Variants in RALYL observed in about 807,000 individuals in gnomAD.
The protein encoded by RALYL is RALY RNA binding protein like.
In RALYL, 29 loss-of-function variants were observed where a neutral mutation model predicts 35.1. The ratio of observed to expected loss-of-function variants is 0.83; its 90% confidence interval spans 0.61 to 1.13. The LOEUF is 1.13. Ranked by LOEUF, RALYL falls within the 50% of genes most tolerant of loss-of-function variation. The pLI is 0.00. For missense variants in RALYL, 359 were observed against 360.4 expected (o/e 1.00, Z 0.03); for synonymous variants, 120 against 127.6 (o/e 0.94, Z 0.40).
intron 1 of RALYL, 132 bp from the exon 2 acceptor site, chr8:84,529,167 A>C: frequency 1.2e-6 from 1 of 845,950 alleles, no homozygotes; most frequent in African/African-American, 1.7e-5. Flanking sequence ...TCTCAAGAAA[A>C]TCATTAATAC....
intron 1 of RALYL, among the ~76,000 whole-genome samples, chr8:84,187,124 T>G (rs1812732042): frequency 1.3e-5 from 2 of 152,088 alleles, no homozygotes; most frequent in African/African-American, 4.8e-5. Flanking sequence ...ACCCACAAAT[T>G]AAATTGGCAT....
chr8:84,675,035 G>A (rs1375209477), intron 2 of RALYL, among the ~76,000 whole-genome samples: 3 of 151,344 alleles, frequency 2.0e-5, no homozygotes, highest in Non-Finnish European at 4.4e-5. Context: ...GTAGCTCTGA[G>A]TTCTTAAAAA....
intron 1 of RALYL, among the ~76,000 whole-genome samples, chr8:84,271,747 C>T (rs530616796): frequency 2.0e-5 from 3 of 152,040 alleles, no homozygotes; most frequent in South Asian, 4.2e-4. Context: ...CAAAAGACTA[C>T]ATAGTACACT....
chr8:84,578,709 G>T (rs1230632115), intron 2 of RALYL, among the ~76,000 whole-genome samples: 1 of 152,180 alleles, frequency 6.6e-6, no homozygotes, highest in Non-Finnish European at 1.5e-5. Flanking sequence ...GTGGAGAGAT[G>T]AACCACAGTG....
At chr8:84,624,324 G>T (rs1446678775) in intron 2 of RALYL, among the ~76,000 whole-genome samples, 1 of 152,154 alleles carries the variant, frequency 6.6e-6, no homozygotes, top group African/African-American at 2.4e-5. Context: ...AGCCTAACGT[G>T]GGTTTTACTG....
intron 4 of RALYL, among the ~76,000 whole-genome samples, chr8:84,839,121 G>T (rs1027748059): frequency 6.6e-6 from 1 of 152,212 alleles, no homozygotes; most frequent in Non-Finnish European, 1.5e-5. Flanking sequence ...GAAAGTGGGT[G>T]CAGGACAGTG....
intron 2 of RALYL, among the ~76,000 whole-genome samples, chr8:84,593,868 G>A (rs967594341): frequency 6.6e-6 from 1 of 152,014 alleles, no homozygotes; most frequent in South Asian, 2.1e-4. Context: ...CTTTTGTCCA[G>A]ATTTAACACA....
At chr8:84,293,049 T>C (rs1410566558) in intron 1 of RALYL, among the ~76,000 whole-genome samples, 1 of 152,158 alleles carries the variant, frequency 6.6e-6, no homozygotes, top group Non-Finnish European at 1.5e-5. Context: ...ATTACTTCAG[T>C]ATTACATTTG....
chr8:84,852,127 C>A (rs1402607866), intron 5 of RALYL, among the ~76,000 whole-genome samples: 1 of 152,082 alleles, frequency 6.6e-6, no homozygotes, highest in African/African-American at 2.4e-5. Flanking sequence ...ATTCAATAAC[C>A]AACTATGTGA....
chr8:84,432,484 A>T (rs2047249002), intron 1 of RALYL, among the ~76,000 whole-genome samples: 1 of 152,068 alleles, frequency 6.6e-6, no homozygotes, highest in South Asian at 2.1e-4. Flanking sequence ...TGTGTTGTAT[A>T]CCTAAAAATG....
At chr8:84,399,146 C>T (rs550940079) in intron 1 of RALYL, among the ~76,000 whole-genome samples, 7 of 152,124 alleles carry the variant, frequency 4.6e-5, no homozygotes, top group Non-Finnish European at 8.8e-5. Flanking sequence ...TTCCCGTTTC[C>T]TGCTCTAACA....
intron 1 of RALYL, among the ~76,000 whole-genome samples, chr8:84,219,901 T>C (rs1821775098): frequency 6.6e-6 from 1 of 151,930 alleles, no homozygotes; most frequent in Admixed American, 6.6e-5. Context: ...GAATCAATAA[T>C]AAAAGATTGG....
chr8:84,267,776 G>T (rs1235262534), intron 1 of RALYL, among the ~76,000 whole-genome samples: 1 of 152,150 alleles, frequency 6.6e-6, no homozygotes, highest in Non-Finnish European at 1.5e-5. Context: ...TCCTTGATTG[G>T]TCTAAAATAG....
chr8:84,253,176 G>GTTTTTTTT (rs764942491), intron 1 of RALYL, among the ~76,000 whole-genome samples: 4 of 52,858 alleles, frequency 7.6e-5, no homozygotes, highest in Admixed American at 2.9e-4. Context: ...TAGTTCTGCA[G>GTTTTTTTT]TTTTTTTTTT....
chr8:84,207,289 A>C (rs1818279716), intron 1 of RALYL, among the ~76,000 whole-genome samples: 1 of 152,000 alleles, frequency 6.6e-6, no homozygotes, highest in African/African-American at 2.4e-5. Flanking sequence ...TGAATAAAGA[A>C]AATGTTATAT....
chr8:84,843,812 C>G (rs190409989), intron 4 of RALYL, among the ~76,000 whole-genome samples: 4 of 152,092 alleles, frequency 2.6e-5, no homozygotes, highest in Non-Finnish European at 4.4e-5. Context: ...GAAATAATGC[C>G]GCATAGCTAC....
intron 1 of RALYL, among the ~76,000 whole-genome samples, chr8:84,276,452 T>C (rs1184462890): frequency 1.3e-5 from 2 of 152,210 alleles, no homozygotes; most frequent in Non-Finnish European, 2.9e-5. Flanking sequence ...CATTTTCTTC[T>C]AATTCCTGCT....
chr8:84,645,257 T>TGTTTTTG, intron 2 of RALYL, among the ~76,000 whole-genome samples: 2 of 152,016 alleles, frequency 1.3e-5, no homozygotes, highest in Non-Finnish European at 2.9e-5. Flanking sequence ...GTTTTTGTTG[T>TGTTTTTG]TGTTTACATC....
intron 1 of RALYL, among the ~76,000 whole-genome samples, chr8:84,447,969 T>G (rs1016400431): frequency 2.6e-5 from 4 of 151,920 alleles, no homozygotes; most frequent in African/African-American, 9.7e-5. Context: ...GTTTTGTGTA[T>G]TAGCAACAGA....
Sources: allele counts gnomAD v4.1 joint callset (sites outside exome capture counted in the v4.1 genomes callset), GRCh38; gene constraint gnomAD v4.1.1; transcripts MANE v1.5; gene names NCBI Gene and HGNC (gene_info 2026-07-23, HGNC 2026-07-21).